Variants in CNTNAP3B observed in about 807,000 individuals in gnomAD.
CNTNAP3B encodes contactin-associated protein-like 3B.
In CNTNAP3B, 25 loss-of-function variants were observed where a neutral mutation model predicts 108.9. The ratio of observed to expected loss-of-function variants is 0.23; its 90% CI spans 0.17 to 0.32. The LOEUF (loss-of-function observed/expected upper bound fraction) is 0.32. CNTNAP3B is among the 10% of genes least tolerant of loss of function. CNTNAP3B has a pLI of 1.00. For missense variants in CNTNAP3B, 252 were observed against 1,210.4 expected (o/e 0.21, Z 11.75); for synonymous variants, 103 against 473.4 (o/e 0.22, Z 10.16).
intron 6 of CNTNAP3B, among the ~76,000 whole-genome samples, chr9:41,997,250 T>G (rs937567317): frequency 6.6e-6 from 1 of 151,652 alleles, no homozygotes; most frequent in Non-Finnish European, 1.5e-5. Flanking sequence ...AAACAACAAG[T>G]GTAATATACC....
In CNTNAP3B at chr9:42,115,136, C is replaced by T. The variant is rs1411413223; in HGVS notation, c.86-10397G>A. ...GCAAAGTGAGTTAAAGCCCAGAACA[C>T]ATTAAGACTTTCAAACATTGCTAAA... On this transcript the variant is annotated intron_variant, in intron 1 of 23. Transcript: ENST00000377561. Among the ~76,000 whole-genome samples the T allele has an allele frequency of 2.9e-5, 4 of 138,496 alleles. 2 individuals carry two copies. The highest frequency in any genetic ancestry group is 1.1e-4 in the African/African-American group (4 of 34,830). The allele number at this position is 138,496 out of a possible 152,430, so 90.9% of individuals were successfully genotyped here.
intron 3 of CNTNAP3B, among the ~76,000 whole-genome samples, chr9:42,075,348 T>A (rs1227123653): frequency 2.8e-5 from 4 of 142,194 alleles, no homozygotes; most frequent in Admixed American, 2.1e-4. Flanking sequence ...AGGATAGAGA[T>A]GCAGGGATGA....
At chr9:42,061,938 C>A (rs1239720574) in intron 3 of CNTNAP3B, among the ~76,000 whole-genome samples, 1 of 93,192 alleles carries the variant, frequency 1.1e-5, no homozygotes, top group Admixed American at 1.1e-4. Flanking sequence ...TAAGTCCTCC[C>A]CTCCCTTCAG....
At chr9:41,932,844 G>A (rs1246416826) in intron 14 of CNTNAP3B, among the ~76,000 whole-genome samples, 2 of 152,236 alleles carry the variant, frequency 1.3e-5, no homozygotes, top group East Asian at 3.8e-4. Context: ...TTTTGGGGGA[G>A]TAGGTCAGCA....
rs879082471 is a variant in CNTNAP3B at position 41,930,807 on chromosome 9, C to G, written c.2238-1363G>C. ...GTCTTAGCTATGCCACTAATTTTGT[C>G]TCTGGCCAAAATAAAGGCATTTGTC... On this transcript the variant is annotated intron_variant, in intron 14 of 23. Transcript: ENST00000377561. 1.9e-3 allele frequency among the ~76,000 whole-genome samples: 292 copies of G among 152,166 alleles called. 1 individual carries two copies. In the East Asian group the frequency reaches 0.03, roughly 16 times the overall value.
intron 11 of CNTNAP3B, 150 bp downstream of exon 11, chr9:41,964,388 G>A (rs1312476431): frequency 7.0e-7 from 1 of 1,418,512 alleles, no homozygotes; most frequent in Non-Finnish European, 9.3e-7. Flanking sequence ...ATTAAATAAG[G>A]TGGATTAAAA....
chr9:42,064,279 T>C (rs1456800205), intron 3 of CNTNAP3B, among the ~76,000 whole-genome samples: 1 of 149,740 alleles, frequency 6.7e-6, no homozygotes, highest in Non-Finnish European at 1.5e-5. Flanking sequence ...ACTGGGATGC[T>C]CAAGATCAAG....
intron 18 of CNTNAP3B, among the ~76,000 whole-genome samples, chr9:41,918,540 C>T (rs1263514823): frequency 6.9e-6 from 1 of 144,348 alleles, no homozygotes; most frequent in East Asian, 2.0e-4. Flanking sequence ...TACTACTCCA[C>T]TCTTTCCATT....
At chr9:42,003,399 G>GAA (rs200598648) in intron 4 of CNTNAP3B, among the ~76,000 whole-genome samples, 154 of 58,824 alleles carry the variant, frequency 2.6e-3, no homozygotes, top group African/African-American at 7.3e-3. Flanking sequence ...TCTTACAAAA[G>GAA]AAAAAAAAAA....
intron 1 of CNTNAP3B, among the ~76,000 whole-genome samples, chr9:42,127,757 G>A (rs1828604163): frequency 7.2e-6 from 1 of 139,346 alleles, no homozygotes; most frequent in Non-Finnish European, 1.5e-5. Context: ...ACCAAGTGTA[G>A]GATTAACTGA....
intron 3 of CNTNAP3B, among the ~76,000 whole-genome samples, chr9:42,060,048 C>A (rs1827147710): frequency 6.7e-6 from 1 of 149,556 alleles, no homozygotes; most frequent in Non-Finnish European, 1.5e-5. Context: ...CTGGATAGAA[C>A]TTTCAGTACT....
At chr9:41,956,525 A>G (rs1194705440) in intron 12 of CNTNAP3B, among the ~76,000 whole-genome samples, 1 of 152,312 alleles carries the variant, frequency 6.6e-6, no homozygotes, top group Non-Finnish European at 1.5e-5. Flanking sequence ...TACTCAGTAT[A>G]TCATATGAAA....
At position 42,035,294 on chromosome 9, in the gene CNTNAP3B, C is replaced by T. The variant is rs562400837; in HGVS notation, c.391-21769G>A. Reference sequence around the variant, plus strand: ...TTTACAGATTAGCAAGTGAGCTCACCAAGGTTCCACGAGGCTGACTTCTCC... The same window carrying T: ...TTTACAGATTAGCAAGTGAGCTCACTAAGGTTCCACGAGGCTGACTTCTCC... On this transcript the variant is annotated intron_variant, in intron 3 of 23. Transcript: ENST00000377561. Among the ~76,000 whole-genome samples the T allele has an allele frequency of 6.9e-5, 10 of 144,646 alleles. No individual in the cohort carries two copies. In the South Asian group the frequency reaches 1.8e-3, roughly 26 times the overall value. 94.9% of individuals were successfully genotyped at this position (144,646 alleles called of 152,430 possible). A position where few individuals can be genotyped will look rare whatever the true frequency, so the allele number is the denominator to read the frequency against.
chr9:41,961,782 C>A (rs1291250130), intron 11 of CNTNAP3B, among the ~76,000 whole-genome samples: 1 of 152,292 alleles, frequency 6.6e-6, no homozygotes, highest in East Asian at 1.9e-4. Flanking sequence ...TGAAAGATAT[C>A]CCTATATAAT....
intron 11 of CNTNAP3B, 67 bp downstream of exon 11, chr9:41,964,470 TA>T: frequency 2.9e-6 from 4 of 1,393,374 alleles, no homozygotes; most frequent in Non-Finnish European, 3.8e-6. Context: ...CAGATACATA[TA>T]AACAACTAAT....
chr9:42,032,804 G>T (rs1187778051), intron 3 of CNTNAP3B, among the ~76,000 whole-genome samples: 111 of 137,264 alleles, frequency 8.1e-4, no homozygotes, highest in African/African-American at 3.0e-3. Flanking sequence ...AGACCAGGGT[G>T]CCAGATGAGG....
chr9:41,945,806 C>T (rs1156415464), intron 13 of CNTNAP3B, among the ~76,000 whole-genome samples: 1 of 152,234 alleles, frequency 6.6e-6, no homozygotes, highest in Non-Finnish European at 1.5e-5. Context: ...TGAACAACAA[C>T]AACAAAACCC....
intron 6 of CNTNAP3B, among the ~76,000 whole-genome samples, chr9:41,997,264 T>C (rs1229952532): frequency 2.0e-5 from 3 of 151,816 alleles, no homozygotes; most frequent in Non-Finnish European, 4.4e-5. Flanking sequence ...ATATACCAGA[T>C]GAAATTTCAA....
chr9:41,925,155 T>A (rs1173905849), intron 15 of CNTNAP3B, among the ~76,000 whole-genome samples: 6 of 150,966 alleles, frequency 4.0e-5, no homozygotes, highest in Admixed American at 3.3e-4. Flanking sequence ...AACACAACTT[T>A]ACCCAGTTTA....
Sources: allele counts gnomAD v4.1 joint callset (sites outside exome capture counted in the v4.1 genomes callset), GRCh38; gene constraint gnomAD v4.1.1; transcripts MANE v1.5; gene names NCBI Gene and HGNC (gene_info 2026-07-23, HGNC 2026-07-21).